Variants in EPHA6 observed in about 807,000 individuals in gnomAD.
EPHA6 encodes the protein ephrin type-A receptor 6.
A neutral mutation model predicts 112.0 loss-of-function variants in EPHA6; 50 were observed. That is an observed-to-expected ratio of 0.45 (90% CI 0.36 to 0.56). The LOEUF (loss-of-function observed/expected upper bound fraction) is 0.56. Ranked by LOEUF, EPHA6 falls within the 20% of genes least tolerant of loss-of-function variation. EPHA6 has a pLI of 0.00. For missense variants in EPHA6, 1,280 were observed against 1,417.4 expected (o/e 0.90, Z 1.56); for synonymous variants, 529 against 490.7 (o/e 1.08, Z -1.03).
intron 2 of EPHA6, among the ~76,000 whole-genome samples, chr3:96,904,174 A>G (rs1452441424): frequency 2.0e-5 from 3 of 152,092 alleles, no homozygotes; most frequent in Non-Finnish European, 4.4e-5. Flanking sequence ...TTATTGTGGC[A>G]GTATTCACAA....
chr3:97,440,469 C>T (rs775543669), intron 6 of EPHA6, among the ~76,000 whole-genome samples: 11 of 151,510 alleles, frequency 7.3e-5, no homozygotes, highest in Non-Finnish European at 1.5e-4. Context: ...ACATATTGAT[C>T]TTATATCAGG....
intron 2 of EPHA6, among the ~76,000 whole-genome samples, chr3:96,929,438 A>G (rs1298987895): frequency 1.3e-5 from 2 of 152,172 alleles, no homozygotes; most frequent in Non-Finnish European, 2.9e-5. Flanking sequence ...ATGATGACGA[A>G]TTCCCTCAGC....
intron 11 of EPHA6, among the ~76,000 whole-genome samples, chr3:97,561,412 C>G (rs1170155147): frequency 6.6e-6 from 1 of 152,034 alleles, no homozygotes; most frequent in Non-Finnish European, 1.5e-5. Flanking sequence ...AGCCTTATTA[C>G]TGATAGGGAT....
intron 1 of EPHA6, among the ~76,000 whole-genome samples, chr3:96,819,200 A>C (rs79801351): frequency 0.025 from 3,872 of 152,158 alleles, 168 homozygotes; most frequent in African/African-American, 0.086. Flanking sequence ...CTTTTATATG[A>C]ATTTCCTAAG....
At chr3:97,076,927 G>A (rs567502228) in intron 3 of EPHA6, among the ~76,000 whole-genome samples, 1 of 152,228 alleles carries the variant, frequency 6.6e-6, no homozygotes, top group African/African-American at 2.4e-5. Context: ...CAGAAAAAAT[G>A]ATTCCTCTCA....
intron 9 of EPHA6, among the ~76,000 whole-genome samples, chr3:97,480,504 C>T (rs958534063): frequency 7.2e-5 from 11 of 152,212 alleles, no homozygotes; most frequent in African/African-American, 2.7e-4. Flanking sequence ...ATCCATTTAA[C>T]CCTGAGTGGA....
chr3:97,603,682 G>C (rs536946428), intron 12 of EPHA6, among the ~76,000 whole-genome samples: 74 of 151,928 alleles, frequency 4.9e-4, no homozygotes, highest in Non-Finnish European at 8.0e-4. Context: ...TTGTTAATGG[G>C]AATAAGAACC....
chr3:97,233,383 G>T (rs1462204628), intron 4 of EPHA6, among the ~76,000 whole-genome samples: 1 of 151,374 alleles, frequency 6.6e-6, no homozygotes, highest in Non-Finnish European at 1.5e-5. Flanking sequence ...TGAGATTGTT[G>T]GGGAAGAAGA....
intron 3 of EPHA6, among the ~76,000 whole-genome samples, chr3:97,098,851 T>C (rs1322785756): frequency 6.6e-6 from 1 of 151,896 alleles, no homozygotes; most frequent in Admixed American, 6.6e-5. Flanking sequence ...TGATGGTTGG[T>C]AACAAATTGG....
chr3:97,259,635 A>T (rs2079431431), intron 5 of EPHA6, among the ~76,000 whole-genome samples: 1 of 152,176 alleles, frequency 6.6e-6, no homozygotes, highest in South Asian at 2.1e-4. Flanking sequence ...TAAACTGAGG[A>T]GCAAGCATTT....
chr3:97,349,192 A>C (rs58913072), intron 5 of EPHA6, among the ~76,000 whole-genome samples: 12,334 of 152,098 alleles, frequency 0.081, 951 homozygotes, highest in Admixed American at 0.21. Context: ...ATTCAATTTT[A>C]GTCTTATAAA....
At chr3:97,176,534 T>C (rs1401293697) in intron 3 of EPHA6, among the ~76,000 whole-genome samples, 2 of 151,922 alleles carry the variant, frequency 1.3e-5, no homozygotes, top group Non-Finnish European at 2.9e-5. Flanking sequence ...AGGCTTTTCT[T>C]TACTGGGAGG....
At chr3:97,239,376 TA>T (rs1489811232) in intron 4 of EPHA6, among the ~76,000 whole-genome samples, 1 of 151,776 alleles carries the variant, frequency 6.6e-6, no homozygotes, top group Non-Finnish European at 1.5e-5. Flanking sequence ...ACATGGGGGT[TA>T]GGGGCACCAA....
chr3:96,980,199 T>C (rs1273737869), intron 2 of EPHA6, among the ~76,000 whole-genome samples: 4 of 152,212 alleles, frequency 2.6e-5, no homozygotes, highest in Non-Finnish European at 4.4e-5. Context: ...AACATTTAAG[T>C]CTTTAATCCA....
At chr3:97,160,624 C>T (rs2076392718) in intron 3 of EPHA6, among the ~76,000 whole-genome samples, 1 of 152,098 alleles carries the variant, frequency 6.6e-6, no homozygotes, top group Non-Finnish European at 1.5e-5. Flanking sequence ...TATCCACATG[C>T]ATCTTCCTTA....
intron 1 of EPHA6, among the ~76,000 whole-genome samples, chr3:96,852,327 G>A (rs1473517412): frequency 6.6e-6 from 1 of 151,914 alleles, no homozygotes; most frequent in Non-Finnish European, 1.5e-5. Flanking sequence ...AACCCCAGAG[G>A]CTGAGGCATG....
chr3:97,626,910 A>T lies in EPHA6; in HGVS notation c.2575-10963A>T, dbSNP rs139606161. Among the ~76,000 whole-genome samples, 212 of 151,980 alleles carry T rather than the reference A, an allele frequency of 1.4e-3. 1 individual carries two copies. Among genetic ancestry groups the T allele is most frequent in the African/African-American group, 4.9e-3 (205 of 41,518 alleles). ...CTAAAGTGAGGCAGTTTTAGAAATG[A>T]CAACTTCCAGATGTCCATTTGGGAG... On this transcript the variant is annotated intron_variant, in intron 13 of 17. Coordinates refer to ENST00000389672, the MANE Select transcript of EPHA6 (RefSeq NM_001080448.3).
chr3:96,831,138 T>C (rs1365028178), intron 1 of EPHA6, among the ~76,000 whole-genome samples: 2 of 152,172 alleles, frequency 1.3e-5, no homozygotes, highest in Non-Finnish European at 2.9e-5. Flanking sequence ...TTAAGTAATA[T>C]TGTCATTTTT....
intron 3 of EPHA6, among the ~76,000 whole-genome samples, chr3:97,111,535 C>A (rs2047724296): frequency 6.6e-6 from 1 of 151,960 alleles, no homozygotes. Context: ...GGGCAGGTCA[C>A]CATCATTTAA....
Sources: gnomAD v4.1 joint callset for allele counts (sites outside exome capture counted in the v4.1 genomes callset) on GRCh38, gnomAD v4.1.1 for gene constraint, MANE v1.5 for transcripts, NCBI Gene and HGNC (gene_info 2026-07-23, HGNC 2026-07-21) for gene names.